Variants in HSF5 observed in about 807,000 individuals in gnomAD.
HSF5 encodes heat shock factor protein 5.
HSF5 carries 5 observed loss-of-function variants against 50.8 expected under a neutral mutation model. The ratio of observed to expected loss-of-function variants is 0.10; its 90% CI spans 0.05 to 0.21. The LOEUF is 0.21. HSF5 is among the 10% of genes least tolerant of loss of function. The pLI is 1.00. For synonymous variants in HSF5, 307 were observed against 307.4 expected (o/e 1.00, Z 0.02); for missense variants, 564 against 762.6 (o/e 0.74, Z 3.07).
chr17:58,451,965 A>AC (rs144321188), intron 5 of HSF5, among the ~76,000 whole-genome samples: 1 of 151,298 alleles, frequency 6.6e-6, no homozygotes, highest in African/African-American at 2.4e-5. Context: ...AAAAAAAAAA[A>AC]AGGACGGCCA....
Position 58,455,709 on chromosome 17 carries a change from A to C in HSF5, c.1720+3059T>G, listed in dbSNP as rs193172217. On this transcript the variant is annotated intron_variant, in intron 5 of 5. Coordinates refer to ENST00000323777, the MANE Select transcript of HSF5 (RefSeq NM_001080439.3). The stretch of plus-strand genomic sequence containing the variant: ...ATAGACATTTCTCAAAAGAAGATAC[A>C]CAAATGACCAACAGATATATGGAAA... Among the ~76,000 whole-genome samples the C allele has an allele frequency of 6.6e-4, 101 of 152,292 alleles. 1 individual carries two copies. The highest frequency in any genetic ancestry group is 2.9e-5 in the Non-Finnish European group (2 of 68,014).
chr17:58,468,772 G>A (rs1229244239), intron 2 of HSF5, among the ~76,000 whole-genome samples: 1 of 152,050 alleles, frequency 6.6e-6, no homozygotes, highest in Non-Finnish European at 1.5e-5. Context: ...AAGAAAACTT[G>A]AAATAATGGG....
intron 5 of HSF5, among the ~76,000 whole-genome samples, chr17:58,430,872 T>C (rs890980456): frequency 6.6e-6 from 1 of 152,236 alleles, no homozygotes; most frequent in African/African-American, 2.4e-5. Context: ...CAGGTGATTT[T>C]GTCCCCGCAC....
At chr17:58,426,536 CA>C (rs1308551915) in intron 5 of HSF5, among the ~76,000 whole-genome samples, 1 of 152,148 alleles carries the variant, frequency 6.6e-6, no homozygotes, top group African/African-American at 2.4e-5. Context: ...TCATTCCTAC[CA>C]AGAGCATCCT....
At chr17:58,450,066 T>C (rs913581191) in intron 5 of HSF5, among the ~76,000 whole-genome samples, 1 of 144,466 alleles carries the variant, frequency 6.9e-6, no homozygotes, top group Non-Finnish European at 1.5e-5. Flanking sequence ...CTGGACACGG[T>C]AGCTCACACC....
At chr17:58,438,283 G>T (rs1298453334) in intron 5 of HSF5, among the ~76,000 whole-genome samples, 1 of 152,146 alleles carries the variant, frequency 6.6e-6, no homozygotes, top group Non-Finnish European at 1.5e-5. Flanking sequence ...TGCTGTAAGG[G>T]TTTGTAGCCT....
At chr17:58,424,639 AGCCAGGAGT>A (rs1974270269) in intron 5 of HSF5, among the ~76,000 whole-genome samples, 1 of 150,560 alleles carries the variant, frequency 6.6e-6, no homozygotes, top group South Asian at 2.1e-4. Context: ...GGAGGAAGAA[AGCCAGGAGT>A]GGTGGCACAT....
At chr17:58,476,248 T>A (rs574399336) in intron 2 of HSF5, 2 of 924,012 alleles carry the variant, frequency 2.2e-6, no homozygotes, top group African/African-American at 3.3e-5. Flanking sequence ...TTCATCATCA[T>A]CATCTTCTTC....
At chr17:58,463,865 G>A (rs1157355046) in intron 3 of HSF5, among the ~76,000 whole-genome samples, 1 of 152,208 alleles carries the variant, frequency 6.6e-6, no homozygotes, top group African/African-American at 2.4e-5. Flanking sequence ...TAAAATGGCT[G>A]TTGCTTTTAG....
At chr17:58,477,462 C>CTTT (rs34369632) in intron 2 of HSF5, among the ~76,000 whole-genome samples, 2 of 119,518 alleles carry the variant, frequency 1.7e-5, no homozygotes, top group Non-Finnish European at 3.5e-5. Flanking sequence ...CTCCATTCCC[C>CTTT]TTTTTTTTTT....
chr17:58,432,371 G>A (rs745648401), intron 5 of HSF5, among the ~76,000 whole-genome samples: 9 of 152,160 alleles, frequency 5.9e-5, no homozygotes, highest in Non-Finnish European at 1.3e-4. Flanking sequence ...GGCAGGACAT[G>A]GGGAACAGGG....
intron 5 of HSF5, among the ~76,000 whole-genome samples, chr17:58,435,461 C>T (rs1002124526): frequency 6.6e-6 from 1 of 151,858 alleles, no homozygotes; most frequent in African/African-American, 2.4e-5. Context: ...GCACGAGAAT[C>T]GCTTGAACCC....
chr17:58,427,159 C>G (rs886407135), intron 5 of HSF5, among the ~76,000 whole-genome samples: 5 of 152,010 alleles, frequency 3.3e-5, no homozygotes, highest in African/African-American at 1.2e-4. Flanking sequence ...CCCAGCTACT[C>G]AGGAGGCTGA....
chr17:58,429,403 A>C (rs1292499545), intron 5 of HSF5, among the ~76,000 whole-genome samples: 1 of 152,206 alleles, frequency 6.6e-6, no homozygotes, highest in African/African-American at 2.4e-5. Flanking sequence ...ATAGCGAGGC[A>C]TGGTGGCCCA....
At chr17:58,451,657 A>G (rs1974643002) in intron 5 of HSF5, among the ~76,000 whole-genome samples, 2 of 152,286 alleles carry the variant, frequency 1.3e-5, no homozygotes, top group African/African-American at 2.4e-5. Context: ...TGGAAATGCA[A>G]CTACCAAAAA....
chr17:58,429,788 G>A (rs1418825859), intron 5 of HSF5, among the ~76,000 whole-genome samples: 1 of 149,728 alleles, frequency 6.7e-6, no homozygotes, highest in Non-Finnish European at 1.5e-5. Context: ...GGAGGTTGCA[G>A]TGAGCCAAGA....
At chr17:58,462,473 T>C (rs1268793678) in intron 4 of HSF5, among the ~76,000 whole-genome samples, 1 of 152,282 alleles carries the variant, frequency 6.6e-6, no homozygotes, top group Non-Finnish European at 1.5e-5. Flanking sequence ...CAAATTAAGA[T>C]AGGAAGCAAA....
intron 5 of HSF5, among the ~76,000 whole-genome samples, chr17:58,450,035 A>C (rs1370310953): frequency 6.8e-6 from 1 of 146,972 alleles, no homozygotes; most frequent in Non-Finnish European, 1.5e-5. Flanking sequence ...AAAAAAAAAA[A>C]AAAAAAAAGA....
chr17:58,485,111 C>A (rs548269514), intron 1 of HSF5, among the ~76,000 whole-genome samples: 1 of 151,892 alleles, frequency 6.6e-6, no homozygotes, highest in African/African-American at 2.4e-5. Context: ...CCCGCCACCA[C>A]GCCCAGCTAA....
Sources: allele counts gnomAD v4.1 joint callset (sites outside exome capture counted in the v4.1 genomes callset), GRCh38; gene constraint gnomAD v4.1.1; transcripts MANE v1.5; gene names NCBI Gene and HGNC (gene_info 2026-07-23, HGNC 2026-07-21).